Variants in ZNF609 observed in about 807,000 individuals in gnomAD.
ZNF609 encodes the protein zinc finger protein 609.
A neutral mutation model predicts 109.5 loss-of-function variants in ZNF609; 11 were observed. That is an observed-to-expected ratio of 0.10 (90% confidence interval 0.06 to 0.17). ZNF609 has a LOEUF of 0.17. ZNF609 is among the 10% of genes least tolerant of loss of function. ZNF609 has a pLI of 1.00. For missense variants in ZNF609, 1,559 were observed against 1,772.4 expected (o/e 0.88, Z 2.16); for synonymous variants, 646 against 662.0 (o/e 0.98, Z 0.37).
intron 2 of ZNF609, among the ~76,000 whole-genome samples, chr15:64,616,715 TTC>T (rs920127604): frequency 1.3e-5 from 2 of 150,968 alleles, no homozygotes; most frequent in Non-Finnish European, 3.0e-5. Flanking sequence ...GAGACGGGGT[TTC>T]ACCGTGTTAG....
In ZNF609 at chr15:64,516,416, G is replaced by T. The variant is rs537152162; in HGVS notation, c.747+16250G>T. 2.0e-5 allele frequency among the ~76,000 whole-genome samples: 3 copies of T among 152,276 alleles called. No individual in the cohort carries two copies. The South Asian group carries it at 6.2e-4, about 32-fold the overall frequency. ...AGACAGAGTCTTGCTCTGTTGCCCA[G>T]GCTGGAGTGCAATGGCACGATCTCG... On this transcript the variant is annotated intron_variant, in intron 2 of 9. Transcript: ENST00000326648.
Position 64,622,930 on chromosome 15 carries a change from C to A in ZNF609, c.851C>A (p.Thr284Asn), listed in dbSNP as rs771274642. 1.2e-6 allele frequency: 2 copies of A among 1,614,170 alleles called. No individual in the cohort carries two copies. The highest frequency in any genetic ancestry group is 2.2e-5 in the South Asian group (2 of 91,086). ...SSPCEQIMVR[T>N]RSVGVNTCDV... ...CCCTGTGAGCAGATCATGGTTCGTA[C>A]CCGATCAGTTGGGGTCAACACATGT... Residue 284 changes from threonine to asparagine, a missense_variant, in exon 3 of 10, where the codon ACC (threonine) becomes AAC (asparagine). Transcript: ENST00000326648.
chr15:64,483,210 C>G (rs1893280810), intron 1 of ZNF609, among the ~76,000 whole-genome samples: 1 of 152,070 alleles, frequency 6.6e-6, no homozygotes, highest in African/African-American at 2.4e-5. Flanking sequence ...ATTCTTCTGC[C>G]TCAGCCTCCT....
At chr15:64,621,879 C>T (rs779320030) in intron 2 of ZNF609, among the ~76,000 whole-genome samples, 7 of 151,798 alleles carry the variant, frequency 4.6e-5, no homozygotes, top group Non-Finnish European at 8.8e-5. Flanking sequence ...GCGCCCACCA[C>T]TACGCCCGGC....
At chr15:64,671,795 C>A (rs1896734899) in intron 4 of ZNF609, among the ~76,000 whole-genome samples, 1 of 152,162 alleles carries the variant, frequency 6.6e-6, no homozygotes, top group African/African-American at 2.4e-5. Context: ...TAGTTATTAT[C>A]TGAACAGTTC....
chr15:64,486,353 G>A (rs531273017), intron 1 of ZNF609, among the ~76,000 whole-genome samples: 2 of 152,066 alleles, frequency 1.3e-5, no homozygotes, highest in African/African-American at 4.8e-5. Flanking sequence ...GTGAAACCCC[G>A]TCTCTACTAA....
rs1465066168 is a variant in ZNF609 at position 64,535,250 on chromosome 15, A to G, written c.747+35084A>G. ...TTTTTTGTAGATATGAGGTCTTGCT[A>G]TGTTGCCCGGGCTGGTCTGGAACTC... On this transcript the variant is annotated intron_variant, in intron 2 of 9. Transcript: ENST00000326648. Among the ~76,000 whole-genome samples the G allele has an allele frequency of 2.0e-5, 3 of 152,064 alleles. No individual in the cohort carries two copies. The South Asian group carries it at 6.2e-4, about 31-fold the overall frequency.
At chr15:64,562,871 GA>G (rs1894702446) in intron 2 of ZNF609, among the ~76,000 whole-genome samples, 1 of 33,086 alleles carries the variant, frequency 3.0e-5, no homozygotes, top group African/African-American at 8.7e-5. Flanking sequence ...GGGTAAGCGT[GA>G]GTGTGTGTGT....
At chr15:64,496,257 C>G (rs1893480748) in intron 1 of ZNF609, among the ~76,000 whole-genome samples, 1 of 152,190 alleles carries the variant, frequency 6.6e-6, no homozygotes, top group Non-Finnish European at 1.5e-5. Context: ...CATACGCTTT[C>G]CTTACTCCTC....
intron 1 of ZNF609, among the ~76,000 whole-genome samples, chr15:64,474,749 C>G (rs1172972286): frequency 6.6e-6 from 1 of 152,090 alleles, no homozygotes; most frequent in Non-Finnish European, 1.5e-5. Flanking sequence ...CTAAAGTGCT[C>G]TGAAAGATAA....
At chr15:64,540,758 G>C (rs985093256) in intron 2 of ZNF609, among the ~76,000 whole-genome samples, 6 of 151,564 alleles carry the variant, frequency 4.0e-5, no homozygotes, top group African/African-American at 9.7e-5. Context: ...GGCTGGGCGC[G>C]GTGGCTCACG....
At chr15:64,473,425 C>T (rs1334916583) in intron 1 of ZNF609, among the ~76,000 whole-genome samples, 1 of 151,762 alleles carries the variant, frequency 6.6e-6, no homozygotes, top group Non-Finnish European at 1.5e-5. Context: ...TCTCGAACTG[C>T]TGACCTCGTG....
At chr15:64,536,211 A>G (rs1354441880) in intron 2 of ZNF609, among the ~76,000 whole-genome samples, 2 of 152,116 alleles carry the variant, frequency 1.3e-5, no homozygotes, top group Non-Finnish European at 2.9e-5. Context: ...TTGTGGAGAC[A>G]GGGTCTTACT....
At chr15:64,614,698 T>C (rs1356624565) in intron 2 of ZNF609, among the ~76,000 whole-genome samples, 1 of 152,174 alleles carries the variant, frequency 6.6e-6, no homozygotes, top group Non-Finnish European at 1.5e-5. Context: ...TCAGTGAGTA[T>C]TCATTTTAAT....
intron 2 of ZNF609, among the ~76,000 whole-genome samples, chr15:64,554,384 CTAATCCCAG>C (rs777423214): frequency 2.9e-4 from 44 of 152,062 alleles, no homozygotes; most frequent in Admixed American, 2.2e-3. Flanking sequence ...GCTCACACCT[CTAATCCCAG>C]TACTTGGGAG....
chr15:64,679,199 AG>A (rs1174326548), intron 6 of ZNF609, among the ~76,000 whole-genome samples: 1 of 152,096 alleles, frequency 6.6e-6, no homozygotes, highest in African/African-American at 2.4e-5. Flanking sequence ...CAGCTTCCCA[AG>A]TAGCTAGGAT....
intron 2 of ZNF609, among the ~76,000 whole-genome samples, chr15:64,610,248 G>A (rs1452991197): frequency 6.6e-6 from 1 of 152,096 alleles, no homozygotes; most frequent in Admixed American, 6.6e-5. Flanking sequence ...TCACTTATTA[G>A]TGAGAGCTAA....
chr15:64,551,093 T>C (rs1364593750), intron 2 of ZNF609, among the ~76,000 whole-genome samples: 1 of 152,106 alleles, frequency 6.6e-6, no homozygotes, highest in Non-Finnish European at 1.5e-5. Flanking sequence ...TCCCTTTTTT[T>C]TGTTTGTTTT....
intron 2 of ZNF609, among the ~76,000 whole-genome samples, chr15:64,520,352 C>T (rs1368323058): frequency 2.0e-5 from 3 of 152,086 alleles, no homozygotes; most frequent in Admixed American, 2.0e-4. Context: ...TGCCAAATAT[C>T]CCCTGGAGGG....
Sources: allele counts gnomAD v4.1 joint callset (sites outside exome capture counted in the v4.1 genomes callset), GRCh38; gene constraint gnomAD v4.1.1; transcripts MANE v1.5; gene names NCBI Gene and HGNC (gene_info 2026-07-23, HGNC 2026-07-21).